Variants in SSUH2 observed in about 807,000 individuals in gnomAD.
The protein encoded by SSUH2 is ssu-2 homolog.
SSUH2 carries 47 observed loss-of-function variants against 55.3 expected under a neutral mutation model. The ratio of observed to expected loss-of-function variants is 0.85; its 90% CI spans 0.67 to 1.08. The LOEUF (loss-of-function observed/expected upper bound fraction) is 1.08, where lower values mean the gene tolerates loss of function less well. SSUH2 is among the 50% of genes least tolerant of loss of function. SSUH2 has a pLI of 0.00. For synonymous variants in SSUH2, 212 were observed against 191.5 expected (o/e 1.11, Z -0.89); for missense variants, 535 against 490.7 (o/e 1.09, Z -0.85).
chr3:8,666,482 G>C (rs1331645495), intron 5 of SSUH2, among the ~76,000 whole-genome samples: 1 of 152,146 alleles, frequency 6.6e-6, no homozygotes, highest in Non-Finnish European at 1.5e-5. Flanking sequence ...AGGTGTGAGG[G>C]AAGAAAAACA....
chr3:8,659,477 CCTT>C (rs1268260901), intron 6 of SSUH2: 1 of 207,438 alleles, frequency 4.8e-6, no homozygotes, highest in Admixed American at 6.0e-5. Flanking sequence ...GAGTGAGCTC[CCTT>C]CTTTCTGACC....
chr3:8,639,194 G>A (rs1187781282), intron 1 of SSUH2, among the ~76,000 whole-genome samples: 5 of 152,204 alleles, frequency 3.3e-5, no homozygotes, highest in African/African-American at 9.7e-5. Context: ...CGGGGCACTC[G>A]GAAGGGGCCA....
chr3:8,622,817 A>G (rs1321111436), intron 11 of SSUH2, among the ~76,000 whole-genome samples: 1 of 152,176 alleles, frequency 6.6e-6, no homozygotes, highest in Non-Finnish European at 1.5e-5. Context: ...TTTTGCTGCA[A>G]AACCCTCTGA....
intron 1 of SSUH2, among the ~76,000 whole-genome samples, chr3:8,643,595 G>A (rs1461820636): frequency 6.6e-6 from 1 of 152,100 alleles, no homozygotes; most frequent in Non-Finnish European, 1.5e-5. Context: ...TCTAAGTTTA[G>A]TATAGGTTAA....
intron 5 of SSUH2, among the ~76,000 whole-genome samples, chr3:8,669,451 G>A (rs974683922): frequency 8.5e-5 from 13 of 152,176 alleles, no homozygotes; most frequent in Admixed American, 7.2e-4. Context: ...AGCAATAATT[G>A]CTGCAAGATT....
chr3:8,670,806 C>T (rs1418918759), intron 5 of SSUH2, among the ~76,000 whole-genome samples: 2 of 152,012 alleles, frequency 1.3e-5, no homozygotes, highest in African/African-American at 2.4e-5. Flanking sequence ...GGTATACATC[C>T]CCTTGACAAT....
chr3:8,636,663 C>A (rs1575162495), intron 1 of SSUH2, among the ~76,000 whole-genome samples: 1 of 152,256 alleles, frequency 6.6e-6, no homozygotes, highest in East Asian at 1.9e-4. Context: ...GTCTGAGACT[C>A]CTCCTACTTA....
chr3:8,676,290 A>G (rs1705254346), intron 3 of SSUH2, among the ~76,000 whole-genome samples: 1 of 152,116 alleles, frequency 6.6e-6, no homozygotes. Context: ...TAAGAACAGT[A>G]TCACAAGGGT....
chr3:8,641,277 AC>A (rs1421683327), intron 1 of SSUH2, among the ~76,000 whole-genome samples: 2 of 152,244 alleles, frequency 1.3e-5, no homozygotes, highest in African/African-American at 2.4e-5. Flanking sequence ...GACTTGGAGT[AC>A]CCCAAAGGTA....
At chr3:8,675,593 G>T (rs571062380) in intron 3 of SSUH2, among the ~76,000 whole-genome samples, 1 of 38,174 alleles carries the variant, frequency 2.6e-5, no homozygotes, top group South Asian at 2.5e-3. Flanking sequence ...CGCAGCCCAG[G>T]ATCAGAAAGA....
chr3:8,638,839 C>A (rs1010900303), intron 1 of SSUH2, among the ~76,000 whole-genome samples: 2 of 152,224 alleles, frequency 1.3e-5, no homozygotes, highest in African/African-American at 4.8e-5. Context: ...GATGGCCCCC[C>A]ACCCACCCAC....
chr3:8,629,633 C>CTGACTCACCCGTGGTTCACAGA, intron 7 of SSUH2, 31 bp downstream of exon 7: 2 of 1,587,726 alleles, frequency 1.3e-6, no homozygotes, highest in Non-Finnish European at 1.7e-6. Context: ...CACACCCTCA[C>CTGACTCACCCGTGGTTCACAGA]TGACTCACCA....
At chr3:8,661,407 G>C (rs1046619065) in intron 6 of SSUH2, among the ~76,000 whole-genome samples, 2 of 152,128 alleles carry the variant, frequency 1.3e-5, no homozygotes, top group African/African-American at 2.4e-5. Flanking sequence ...TAGTCTATGA[G>C]CAATTTAAGA....
At chr3:8,627,673 C>A in intron 8 of SSUH2, 25 bp downstream of exon 8, 1 of 1,424,806 alleles carries the variant, frequency 7.0e-7, no homozygotes. Flanking sequence ...AGCACTTCAC[C>A]GCGGTGCTGG....
intron 1 of SSUH2, among the ~76,000 whole-genome samples, chr3:8,636,896 A>T (rs1700015978): frequency 6.6e-6 from 1 of 152,182 alleles, no homozygotes; most frequent in Non-Finnish European, 1.5e-5. Flanking sequence ...CTTGCCCAAG[A>T]TCATACAACC....
intron 7 of SSUH2, 125 bp downstream of exon 7, chr3:8,629,539 G>A: frequency 2.6e-6 from 2 of 777,488 alleles, no homozygotes; most frequent in Non-Finnish European, 4.3e-6. Flanking sequence ...AGAAAGGGAG[G>A]ATGACTTGGC....
At chr3:8,623,744 A>T in intron 10 of SSUH2, 88 bp from the exon 11 acceptor site, 1 of 651,962 alleles carries the variant, frequency 1.5e-6, no homozygotes, top group Non-Finnish European at 2.7e-6. Flanking sequence ...CCAGAGCCAG[A>T]GCCAGACAGA....
In SSUH2 at chr3:8,619,789, A is replaced by T; in HGVS notation, c.*79T>A. ...TGTATGTGATTGTCCAATGCAGCCA[A>T]CAGTGAACACACTCAGAGAGTGTCG... On this transcript the variant is annotated 3_prime_UTR_variant, in exon 12 of 12. Coordinates refer to ENST00000544814, the MANE Select transcript of SSUH2 (RefSeq NM_001256748.3). 2 of 1,523,396 alleles carry T rather than the reference A, an allele frequency of 1.3e-6. No homozygotes were observed. The highest frequency in any genetic ancestry group is 1.8e-6 in the Non-Finnish European group (2 of 1,121,400). 94.4% of individuals were successfully genotyped at this position (1,523,396 alleles called of 1,614,324 possible).
chr3:8,680,960 C>T lies in SSUH2; in HGVS notation c.-1046+931G>A, dbSNP rs531680577. ...CCTGTGATGCTGGAATTATTATCAT[C>T]CTCTCCCCCTCTTCCCTCCCTGGCT... On this transcript the variant is annotated intron_variant, in intron 1 of 18. Transcript: ENST00000317371. 2.6e-4 allele frequency among the ~76,000 whole-genome samples: 40 copies of T among 152,074 alleles called. 1 individual carries two copies. The highest frequency in any genetic ancestry group is 1.5e-3 in the South Asian group (7 of 4,818).
Sources: allele counts gnomAD v4.1 joint callset (sites outside exome capture counted in the v4.1 genomes callset), GRCh38; gene constraint gnomAD v4.1.1; transcripts MANE v1.5; gene names NCBI Gene and HGNC (gene_info 2026-07-23, HGNC 2026-07-21).